KHDRBS2: variants seen among roughly 807,000 people sequenced by gnomAD.
KHDRBS2 encodes KH domain-containing, RNA-binding, signal transduction-associated protein 2.
Under a neutral mutation model 44.3 loss-of-function variants are expected in KHDRBS2, and 26 were observed. The ratio of observed to expected loss-of-function variants is 0.59; its 90% confidence interval spans 0.43 to 0.81. The LOEUF is 0.81. KHDRBS2 is among the 40% of genes least tolerant of loss of function. KHDRBS2 has a pLI of 0.00. For synonymous variants in KHDRBS2, 194 were observed against 151.1 expected, an observed-to-expected ratio of 1.28 and a Z score of -2.08; for missense variants, 476 against 433.1, an observed-to-expected ratio of 1.10 and a Z score of -0.88.
chr6:61,972,218 T>C (rs1410983268), intron 4 of KHDRBS2, among the ~76,000 whole-genome samples: 1 of 152,182 alleles, frequency 6.6e-6, no homozygotes, highest in African/African-American at 2.4e-5. Flanking sequence ...GTCAATCAAT[T>C]AGCAATGATA....
At chr6:62,001,990 C>G (rs189898987) in intron 3 of KHDRBS2, among the ~76,000 whole-genome samples, 1 of 152,024 alleles carries the variant, frequency 6.6e-6, no homozygotes, top group African/African-American at 2.4e-5. Flanking sequence ...TAAATTTTAG[C>G]GTTATGACAC....
chr6:62,071,677 T>G (rs1047395420), intron 2 of KHDRBS2, among the ~76,000 whole-genome samples: 4 of 152,164 alleles, frequency 2.6e-5, no homozygotes, highest in African/African-American at 9.7e-5. Flanking sequence ...TTCTGAGAGC[T>G]CTGTTCTGTT....
At chr6:61,612,517 C>T in the KHDRBS2 span, among the ~76,000 whole-genome samples, 1 of 152,156 alleles carries the variant, frequency 6.6e-6, no homozygotes, top group Admixed American at 6.5e-5. Flanking sequence ...TGTCTACTCT[C>T]AGTGTTGTTG....
At chr6:61,727,867 A>G (rs1773827237) in intron 7 of KHDRBS2, among the ~76,000 whole-genome samples, 1 of 152,174 alleles carries the variant, frequency 6.6e-6, no homozygotes, top group Admixed American at 6.6e-5. Context: ...CAGTGGATTG[A>G]TTTCTCAAAT....
chr6:61,810,419 A>G (rs1582956082), intron 6 of KHDRBS2, among the ~76,000 whole-genome samples: 1 of 152,062 alleles, frequency 6.6e-6, no homozygotes, highest in Non-Finnish European at 1.5e-5. Context: ...TGGGCTTCCT[A>G]CACCTCTTCT....
the KHDRBS2 span, among the ~76,000 whole-genome samples, chr6:61,604,677 C>G: frequency 0.61 from 93,463 of 151,982 alleles, 28,964 homozygotes; most frequent in Non-Finnish European, 0.65. Flanking sequence ...TTCAGGCCCC[C>G]TCCTTTCCCT....
intron 1 of KHDRBS2, among the ~76,000 whole-genome samples, chr6:62,200,142 A>G (rs1351622839): frequency 6.6e-6 from 1 of 152,120 alleles, no homozygotes; most frequent in Non-Finnish European, 1.5e-5. Context: ...CTAGAAGCAA[A>G]CCTAGGCAAT....
At chr6:61,738,662 CGT>C (rs58567834) in intron 6 of KHDRBS2, among the ~76,000 whole-genome samples, 4,291 of 152,022 alleles carry the variant, frequency 0.028, 223 homozygotes, top group African/African-American at 0.099. Context: ...AGGACAAATA[CGT>C]GTGTGTTACC....
chr6:61,694,299 C>A (rs1384308591), intron 8 of KHDRBS2, among the ~76,000 whole-genome samples: 12 of 152,068 alleles, frequency 7.9e-5, no homozygotes, highest in Non-Finnish European at 1.5e-4. Context: ...GTTCTCTAAA[C>A]GTGTATAAAA....
chr6:62,268,168 C>T (rs771929244), intron 1 of KHDRBS2, among the ~76,000 whole-genome samples: 2 of 152,054 alleles, frequency 1.3e-5, no homozygotes, highest in Non-Finnish European at 2.9e-5. Flanking sequence ...CTATCCTAAA[C>T]CCCATTATAC....
intron 1 of KHDRBS2, among the ~76,000 whole-genome samples, chr6:62,212,551 C>T (rs1829246591): frequency 6.6e-6 from 1 of 152,026 alleles, no homozygotes; most frequent in Non-Finnish European, 1.5e-5. Context: ...AGGATAAGGC[C>T]ATATTGGAAT....
chr6:61,921,884 A>G (rs779348932), intron 4 of KHDRBS2, among the ~76,000 whole-genome samples: 3 of 152,012 alleles, frequency 2.0e-5, no homozygotes, highest in Non-Finnish European at 4.4e-5. Flanking sequence ...TTTAATGCAC[A>G]TTGCCAGACT....
At chr6:61,822,367 G>A (rs1349219118) in intron 6 of KHDRBS2, among the ~76,000 whole-genome samples, 1 of 151,940 alleles carries the variant, frequency 6.6e-6, no homozygotes, top group Non-Finnish European at 1.5e-5. Context: ...GTTAATCACT[G>A]AGTCCTGTTA....
At chr6:62,011,129 G>C (rs193008236) in intron 3 of KHDRBS2, among the ~76,000 whole-genome samples, 2 of 152,182 alleles carry the variant, frequency 1.3e-5, no homozygotes, top group African/African-American at 4.8e-5. Context: ...CGTACAAACA[G>C]GTTGGTGTGA....
At chr6:62,166,190 T>C (rs557284151) in intron 2 of KHDRBS2, among the ~76,000 whole-genome samples, 5 of 152,066 alleles carry the variant, frequency 3.3e-5, no homozygotes, top group Non-Finnish European at 7.4e-5. Context: ...TTCCATTATA[T>C]GTGTATACCA....
chr6:61,603,455 G>T, the KHDRBS2 span, among the ~76,000 whole-genome samples: 6 of 152,244 alleles, frequency 3.9e-5, no homozygotes, highest in African/African-American at 1.4e-4. Flanking sequence ...TACCTGGGCT[G>T]TATTGCTGCA....
chr6:61,935,735 T>A (rs1810901996), intron 4 of KHDRBS2, among the ~76,000 whole-genome samples: 1 of 152,104 alleles, frequency 6.6e-6, no homozygotes, highest in Non-Finnish European at 1.5e-5. Context: ...ATCTACTCAT[T>A]TTAAAGTTAG....
intron 7 of KHDRBS2, among the ~76,000 whole-genome samples, chr6:61,700,020 TA>T (rs1337888703): frequency 1.3e-5 from 2 of 151,948 alleles, no homozygotes; most frequent in African/African-American, 4.8e-5. Flanking sequence ...AGTCCTCATA[TA>T]GGGGTAGCAA....
the KHDRBS2 span, among the ~76,000 whole-genome samples, chr6:61,556,169 G>A: frequency 6.6e-6 from 1 of 152,152 alleles, no homozygotes; most frequent in African/African-American, 2.4e-5. Context: ...TCCTGCAGTG[G>A]TGGCAGTGCA....
Sources: allele counts gnomAD v4.1 joint callset (sites outside exome capture counted in the v4.1 genomes callset), GRCh38; gene constraint gnomAD v4.1.1; transcripts MANE v1.5; gene names NCBI Gene and HGNC (gene_info 2026-07-23, HGNC 2026-07-21).